UVRAG: variants seen among roughly 807,000 people sequenced by gnomAD.
UVRAG encodes the protein UV radiation resistance associated, also known as UV radiation resistance-associated gene protein.
In UVRAG, 19 loss-of-function variants were observed where a neutral mutation model predicts 78.0. The ratio of observed to expected loss-of-function variants is 0.24; its 90% CI spans 0.17 to 0.36. The LOEUF is 0.36. Among genes scored for constraint, UVRAG ranks in the 10% least tolerant of loss-of-function variants. The pLI is 1.00. For synonymous variants in UVRAG, 323 were observed against 324.6 expected, an observed-to-expected ratio of 1.00 and a Z score of 0.05; for missense variants, 740 against 853.8, an observed-to-expected ratio of 0.87 and a Z score of 1.66.
chr11:76,122,164 G>A (rs1471058610), intron 14 of UVRAG, among the ~76,000 whole-genome samples: 1 of 152,190 alleles, frequency 6.6e-6, no homozygotes, highest in African/African-American at 2.4e-5. Context: ...CATGCTATAA[G>A]GGAGAGTTAT....
chr11:75,831,091 G>A (rs1028221266), intron 1 of UVRAG, among the ~76,000 whole-genome samples: 2 of 152,198 alleles, frequency 1.3e-5, no homozygotes, highest in Admixed American at 6.5e-5. Flanking sequence ...TTGGTTTATA[G>A]TAAGTGTTCA....
chr11:76,091,528 C>G (rs960581287), intron 13 of UVRAG, among the ~76,000 whole-genome samples: 4 of 152,034 alleles, frequency 2.6e-5, no homozygotes, highest in Non-Finnish European at 4.4e-5. Context: ...CTGTACTGCT[C>G]CTGTAATTTT....
chr11:75,926,556 T>C (rs35661221), intron 6 of UVRAG, among the ~76,000 whole-genome samples: 3,230 of 152,252 alleles, frequency 0.021, 52 homozygotes, highest in Non-Finnish European at 0.034. Flanking sequence ...AGAAATTGAC[T>C]CAGCAGCATT....
At chr11:75,908,241 G>A (rs935039763) in intron 5 of UVRAG, among the ~76,000 whole-genome samples, 1 of 152,144 alleles carries the variant, frequency 6.6e-6, no homozygotes, top group Non-Finnish European at 1.5e-5. Context: ...GTTTTAGCGT[G>A]TGTCAGAATT....
At chr11:76,061,299 C>T (rs1951086689) in intron 12 of UVRAG, among the ~76,000 whole-genome samples, 1 of 152,180 alleles carries the variant, frequency 6.6e-6, no homozygotes, top group African/African-American at 2.4e-5. Context: ...ACGCGCCAAT[C>T]AGCGCCCTGT....
intron 14 of UVRAG, among the ~76,000 whole-genome samples, chr11:76,125,311 T>C (rs1952364045): frequency 6.6e-6 from 1 of 152,198 alleles, no homozygotes; most frequent in African/African-American, 2.4e-5. Context: ...ATTGGAGTTA[T>C]TTTCTCTAAG....
intron 12 of UVRAG, among the ~76,000 whole-genome samples, 158 bp from the exon 13 acceptor site, chr11:76,065,549 ATAT>A (rs1383050073): frequency 6.6e-6 from 1 of 152,200 alleles, no homozygotes; most frequent in Non-Finnish European, 1.5e-5. Context: ...GACTTAATTA[ATAT>A]TATGAAGATG....
At chr11:75,892,587 T>C (rs376973680) in intron 5 of UVRAG, among the ~76,000 whole-genome samples, 27 of 152,316 alleles carry the variant, frequency 1.8e-4, no homozygotes, top group African/African-American at 5.5e-4. Context: ...AGAGCTGCGA[T>C]TCAAAAGCAG....
At chr11:76,018,948 C>T (rs915050238) in intron 12 of UVRAG, among the ~76,000 whole-genome samples, 2 of 152,148 alleles carry the variant, frequency 1.3e-5, no homozygotes, top group East Asian at 1.9e-4. Flanking sequence ...TCGACCTCCT[C>T]TTTAAGGCCA....
intron 1 of UVRAG, among the ~76,000 whole-genome samples, chr11:75,850,914 A>G (rs1946141474): frequency 6.6e-6 from 1 of 152,242 alleles, no homozygotes; most frequent in Admixed American, 6.5e-5. Context: ...TTGGGTTGGT[A>G]TGTGCACGGG....
At chr11:75,835,210 A>AT (rs1459167438) in intron 1 of UVRAG, 10 of 152,134 alleles carry the variant, frequency 6.6e-5, no homozygotes, top group African/African-American at 2.4e-4. Flanking sequence ...TTTACTTCTT[A>AT]TTTTTTAAGA....
Position 76,038,143 on chromosome 11 carries a change from G to A in UVRAG, c.1226+21163G>A, listed in dbSNP as rs543371751. 4.6e-5 allele frequency among the ~76,000 whole-genome samples: 7 copies of A among 152,182 alleles called. No individual in the cohort carries two copies. The South Asian group carries it at 1.5e-3, about 32-fold the overall frequency. On this transcript the variant is annotated intron_variant, in intron 12 of 14. Transcript: ENST00000356136. ...ACAAAACAAAACCTTAAATCACATTGCTGTTAAGCTTTCATACAGTAAGAA... is the reference window on the plus strand; with the variant it reads ...ACAAAACAAAACCTTAAATCACATTACTGTTAAGCTTTCATACAGTAAGAA...
intron 14 of UVRAG, among the ~76,000 whole-genome samples, chr11:76,138,736 GCTGTTTCAC>G (rs1358627060): frequency 1.3e-5 from 2 of 152,222 alleles, no homozygotes; most frequent in African/African-American, 4.8e-5. Context: ...AGTGTTCCGG[GCTGTTTCAC>G]CTGGTGCTTC....
intron 6 of UVRAG, among the ~76,000 whole-genome samples, chr11:75,943,957 C>T (rs1948535777): frequency 1.3e-5 from 2 of 152,038 alleles, no homozygotes; most frequent in African/African-American, 4.8e-5. Context: ...TTGAGTGATT[C>T]CCATGTGCCT....
intron 13 of UVRAG, among the ~76,000 whole-genome samples, chr11:76,079,144 A>G (rs923704112): frequency 6.6e-6 from 1 of 152,148 alleles, no homozygotes; most frequent in Non-Finnish European, 1.5e-5. Context: ...TGCTTTTTCA[A>G]AATCACTTTT....
intron 6 of UVRAG, among the ~76,000 whole-genome samples, chr11:75,932,015 A>G (rs1288187077): frequency 6.7e-6 from 1 of 150,230 alleles, no homozygotes; most frequent in Non-Finnish European, 1.5e-5. Context: ...CAGTGGTCCA[A>G]TGGATGGTTT....
At chr11:76,118,411 A>G (rs1211327674) in intron 14 of UVRAG, among the ~76,000 whole-genome samples, 10 of 152,136 alleles carry the variant, frequency 6.6e-5, no homozygotes, top group Non-Finnish European at 1.5e-5. Context: ...ATGTTTTATT[A>G]CAGAACAGGA....
At chr11:76,054,247 A>G (rs913638786) in intron 12 of UVRAG, among the ~76,000 whole-genome samples, 1 of 152,164 alleles carries the variant, frequency 6.6e-6, no homozygotes, top group African/African-American at 2.4e-5. Context: ...CTCACACCTC[A>G]TAGAAGATCT....
chr11:75,945,653 C>A (rs1055241089), intron 6 of UVRAG, among the ~76,000 whole-genome samples: 1 of 152,074 alleles, frequency 6.6e-6, no homozygotes, highest in Admixed American at 6.6e-5. Context: ...AGTAAAGCTC[C>A]TTATCCTAAT....
Sources: gnomAD v4.1 joint callset for allele counts (sites outside exome capture counted in the v4.1 genomes callset) on GRCh38, gnomAD v4.1.1 for gene constraint, MANE v1.5 for transcripts, NCBI Gene and HGNC (gene_info 2026-07-23, HGNC 2026-07-21) for gene names.